SAMD4B: variants seen among roughly 807,000 people sequenced by gnomAD.
SAMD4B encodes the protein sterile alpha motif domain containing 4B.
A neutral mutation model predicts 74.5 loss-of-function variants in SAMD4B; 5 were observed. The observed-to-expected ratio is 0.07, with a 90% CI of 0.04 to 0.14. The LOEUF (loss-of-function observed/expected upper bound fraction) is 0.14, where lower values mean the gene tolerates loss of function less well. Among genes scored for constraint, SAMD4B ranks in the 10% least tolerant of loss-of-function variants. The pLI is 1.00. For synonymous variants in SAMD4B, 373 were observed against 374.9 expected (o/e 1.00, Z 0.06); for missense variants, 608 against 921.8 (o/e 0.66, Z 4.41).
downstream of SAMD4B, among the ~76,000 whole-genome samples, chr19:39,387,863 C>T (rs1052530389): frequency 4.6e-5 from 7 of 152,172 alleles, no homozygotes; most frequent in Non-Finnish European, 8.8e-5. Flanking sequence ...TCTGGCTGGG[C>T]GTGGTGGCTC....
chr19:39,375,914 G>T lies in SAMD4B; in HGVS notation c.907+25G>T. On this transcript the variant is annotated intron_variant, in intron 5 of 13. Coordinates refer to ENST00000610417, the MANE Select transcript of SAMD4B (RefSeq NM_001384574.2). The surrounding 1 kb of genome is among the most constrained non-coding windows in gnomAD (Gnocchi z 4.1). ...GGTACATTGGGGACAGCAGCACCAG[G>T]ACCCTTTTCCAGGGGCTTCTGCAGA... The T allele has an allele frequency of 3.1e-6, 5 of 1,593,646 alleles. No homozygotes were observed. The highest frequency in any genetic ancestry group is 4.3e-6 in the Non-Finnish European group (5 of 1,173,048).
intron 3 of SAMD4B, chr19:39,369,328 G>A (rs10405369): frequency 0.021 from 6,951 of 332,578 alleles, 366 homozygotes; most frequent in African/African-American, 0.13. Flanking sequence ...CCTAAGGAGG[G>A]GTGAACTGGC....
At chr19:39,372,185 C>T (rs1234960313) in intron 4 of SAMD4B, among the ~76,000 whole-genome samples, 1 of 152,124 alleles carries the variant, frequency 6.6e-6, no homozygotes, top group Non-Finnish European at 1.5e-5. Context: ...ATGAAATAAG[C>T]ACGGGGTGGA....
chr19:39,353,440 CAT>C (rs1170484140), intron 1 of SAMD4B, among the ~76,000 whole-genome samples: 1 of 151,952 alleles, frequency 6.6e-6, no homozygotes, highest in African/African-American at 2.4e-5. Flanking sequence ...CATTTATACA[CAT>C]ATAGACATAA....
intron 1 of SAMD4B, chr19:39,350,603 T>G (rs1029719893): frequency 6.6e-6 from 1 of 152,214 alleles, no homozygotes; most frequent in Non-Finnish European, 1.5e-5. Context: ...TTCTGCTGCC[T>G]CAGCCTCCTG....
chr19:39,381,377 A>C (rs146234817), intron 12 of SAMD4B: 5 of 390,934 alleles, frequency 1.3e-5, no homozygotes, highest in East Asian at 4.4e-5. Flanking sequence ...TTCCCACCCT[A>C]TGTCATAATC....
Position 39,377,598 on chromosome 19 carries a change from C to A in SAMD4B, c.1218C>A (p.Thr406=). The change falls in exon 8 of 14, where the codon ACC becomes ACA. Residue 406 remains threonine, a synonymous_variant. Coordinates refer to ENST00000610417, the MANE Select transcript of SAMD4B (RefSeq NM_001384574.2). The part of the protein sequence containing the change: ...VLQATVAAAT[T]TPTAKDGAPG... ...AGGCCACCGTGGCTGCCGCCACCAC[C>A]ACCCCTACTGCCAAGGATGGGGCCC... is the stretch of plus-strand genomic sequence containing the variant. 6.2e-7 allele frequency: 1 copy of A among 1,614,050 alleles called. No individual in the cohort carries two copies. Among genetic ancestry groups the A allele is most frequent in the Non-Finnish European group, 8.5e-7 (1 of 1,179,936 alleles).
In SAMD4B at chr19:39,379,857, A is replaced by C. The variant is rs887492871; in HGVS notation, c.1531-109A>C. ...AAGTGCTGGGATTACAGCTTGAGCC[A>C]CCACGCCCGGCCAGGCAATAAATAT... On this transcript the variant is annotated intron_variant, in intron 9 of 13. Transcript: ENST00000610417. The C allele has an allele frequency of 3.3e-5, 31 of 933,872 alleles. No individual in the cohort carries two copies. In the Admixed American group the frequency reaches 5.3e-4, roughly 16 times the overall value. The allele number at this position is 933,872 out of a possible 1,614,324, so 57.8% of individuals were successfully genotyped here. A position where few individuals can be genotyped will look rare whatever the true frequency, so the allele number is the denominator to read the frequency against.
intron 2 of SAMD4B, among the ~76,000 whole-genome samples, chr19:39,354,943 G>A (rs1197492885): frequency 6.6e-6 from 1 of 152,162 alleles, no homozygotes; most frequent in Admixed American, 6.5e-5. Flanking sequence ...CATGATCTCA[G>A]CTCACTGCAA....
chr19:39,353,246 C>G (rs2076153404), intron 1 of SAMD4B, among the ~76,000 whole-genome samples: 1 of 152,184 alleles, frequency 6.6e-6, no homozygotes, highest in Non-Finnish European at 1.5e-5. Flanking sequence ...AGCACTCTTT[C>G]TCACTGAGTC....
chr19:39,357,153 G>T, intron 3 of SAMD4B, 64 bp downstream of exon 3: 2 of 1,429,468 alleles, frequency 1.4e-6, no homozygotes, highest in Non-Finnish European at 1.9e-6. Flanking sequence ...ATGTCACATG[G>T]CTAAGAAGGT....
Position 39,369,952 on chromosome 19 carries a change from C to T in SAMD4B, c.494C>T (p.Ser165Phe). ...GGCTTCCGCTCCCGGCCAGAGCCCT[C>T]CTACCATTCACGTCAAGGCTCAGAT... ...ASGFRSRPEP[S>F]YHSRQGSDEW... The change falls in exon 4 of 14, where the codon TCC becomes TTC. Residue 165 changes from serine to phenylalanine, a missense_variant. This residue lies in a region of SAMD4B where 153 missense variants were observed against 153.0 expected (regional missense o/e 1.00). Coordinates refer to ENST00000610417, the MANE Select transcript of SAMD4B (RefSeq NM_001384574.2). 1 of 1,613,930 alleles carries T rather than the reference C, an allele frequency of 6.2e-7. No individual in the cohort carries two copies. Among genetic ancestry groups the T allele is most frequent in the Non-Finnish European group, 8.5e-7 (1 of 1,179,940 alleles).
Position 39,378,688 on chromosome 19 carries a change from A to T in SAMD4B, c.1530+99A>T, listed in dbSNP as rs182235817. ...CTTCGGCCACCGAGGCGGGCGGATC[A>T]TGAGGTCAGGAGATCGAGACCATCC... On this transcript the variant is annotated intron_variant, in intron 9 of 13. Coordinates refer to ENST00000610417, the MANE Select transcript of SAMD4B (RefSeq NM_001384574.2). The surrounding 1 kb of genome is among the most constrained non-coding windows in gnomAD (Gnocchi z 4.4). The T allele has an allele frequency of 1.1e-5, 10 of 947,448 alleles. No individual in the cohort carries two copies. The East Asian group carries it at 2.6e-4, about 25-fold the overall frequency. The allele number at this position is 947,448 out of a possible 1,614,324, so 58.7% of individuals were successfully genotyped here. A position where few individuals can be genotyped will look rare whatever the true frequency, so the allele number is the denominator to read the frequency against.
At chr19:39,343,191 C>T (rs2075433391) in intron 1 of SAMD4B, among the ~76,000 whole-genome samples, 1 of 151,826 alleles carries the variant, frequency 6.6e-6, no homozygotes, top group Admixed American at 6.6e-5. Context: ...TCCCCCGGAG[C>T]CCTGCCTCTC....
chr19:39,390,116 A>G, downstream of SAMD4B: 1 of 1,614,064 alleles, frequency 6.2e-7, no homozygotes, highest in Non-Finnish European at 8.5e-7. Flanking sequence ...CGAAGGGGAT[A>G]TCAGGGAGGC....
At chr19:39,389,299 A>G (rs760151136), downstream of SAMD4B, 2 of 1,613,016 alleles carry the variant, frequency 1.2e-6, no homozygotes, top group African/African-American at 1.3e-5. The surrounding 1 kb of genome is among the most constrained non-coding windows in gnomAD (Gnocchi z 5.3). Flanking sequence ...CAGGCTTCTC[A>G]TTGGAGATGC....
Position 39,385,693 on chromosome 19 carries a change from AAAAC to A in SAMD4B, c.*2167_*2170del. ...TTGGAAAAAAAAAAAACAAACAAAAAAAACGAATTCTGACCTTCGTTGTGCTACA... is the reference window on the plus strand; with the variant it reads ...TTGGAAAAAAAAAAAACAAACAAAAAGAATTCTGACCTTCGTTGTGCTACA... On this transcript the variant is annotated 3_prime_UTR_variant, in exon 14 of 14. Coordinates refer to ENST00000610417, the MANE Select transcript of SAMD4B (RefSeq NM_001384574.2). The A allele has an allele frequency of 1.9e-6, 1 of 532,768 alleles. No individual in the cohort carries two copies. The highest frequency in any genetic ancestry group is 3.3e-6 in the Non-Finnish European group (1 of 304,162). The allele number at this position is 532,768 out of a possible 1,614,324, so 33.0% of individuals were successfully genotyped here.
chr19:39,376,330 T>G (rs1242256667), intron 5 of SAMD4B, 107 bp from the exon 6 acceptor site: 7 of 868,456 alleles, frequency 8.1e-6, no homozygotes, highest in Non-Finnish European at 1.3e-5. Context: ...CCCTCCCAAT[T>G]TTTTGCATCT....
chr19:39,362,377 G>C (rs2076707880), intron 3 of SAMD4B, among the ~76,000 whole-genome samples: 1 of 152,162 alleles, frequency 6.6e-6, no homozygotes, highest in Non-Finnish European at 1.5e-5. Context: ...GGGAGTCGGG[G>C]CTTATAGCTG....
Sources: gnomAD v4.1 joint callset for allele counts (sites outside exome capture counted in the v4.1 genomes callset) on GRCh38, gnomAD v4.1.1 for gene constraint, gnomAD v4.1.1 regional missense constraint, Gnocchi (gnomAD v3.1) non-coding constraint, MANE v1.5 for transcripts, NCBI Gene and HGNC (gene_info 2026-07-23, HGNC 2026-07-21) for gene names.